The following ARL15 variants were observed in gnomAD, a reference collection of about 807,000 sequenced individuals.
ARL15 encodes the protein ARF like GTPase 15.
ARL15 carries 19 observed loss-of-function variants against 25.2 expected under a neutral mutation model. That is an observed-to-expected ratio of 0.75 (90% CI 0.53 to 1.10). The LOEUF is 1.10. Among genes scored for constraint, ARL15 ranks in the 50% least tolerant of loss-of-function variants. The probability of loss-of-function intolerance (pLI) is 0.00; values close to 1 mark genes in which losing one functional copy is unlikely to be tolerated. For synonymous variants in ARL15, 94 were observed against 86.8 expected, an observed-to-expected ratio of 1.08 and a Z score of -0.46; for missense variants, 220 against 246.0, an observed-to-expected ratio of 0.89 and a Z score of 0.71.
At chr5:54,099,278 T>C (rs1280723496) in intron 4 of ARL15, among the ~76,000 whole-genome samples, 1 of 152,158 alleles carries the variant, frequency 6.6e-6, no homozygotes, top group East Asian at 1.9e-4. Flanking sequence ...ATCTGGAACA[T>C]CTTAAAGAAC....
chr5:53,944,641 T>A (rs927149762), intron 4 of ARL15, among the ~76,000 whole-genome samples: 2 of 152,118 alleles, frequency 1.3e-5, no homozygotes, highest in Non-Finnish European at 2.9e-5. Flanking sequence ...GATCACCTAC[T>A]GAGTAGCTCC....
intron 4 of ARL15, among the ~76,000 whole-genome samples, chr5:54,043,872 G>A (rs1376835823): frequency 1.3e-5 from 2 of 151,606 alleles, no homozygotes; most frequent in African/African-American, 4.9e-5. Context: ...AATTAGCCAG[G>A]TGTGGTGGTA....
chr5:53,908,569 T>C (rs1745348962), intron 4 of ARL15, among the ~76,000 whole-genome samples: 1 of 152,218 alleles, frequency 6.6e-6, no homozygotes, highest in Admixed American at 6.5e-5. Context: ...AAATGCCCCA[T>C]GGATACTGAG....
chr5:54,007,492 A>G (rs1195956840), intron 4 of ARL15, among the ~76,000 whole-genome samples: 5 of 152,156 alleles, frequency 3.3e-5, no homozygotes, highest in Non-Finnish European at 7.4e-5. Flanking sequence ...CTTAAATAAA[A>G]TATTTTTATC....
intron 4 of ARL15, among the ~76,000 whole-genome samples, chr5:54,055,489 T>C (rs1394078526): frequency 3.3e-5 from 5 of 151,014 alleles, no homozygotes; most frequent in Admixed American, 6.6e-5. Flanking sequence ...GCCTCCCAAG[T>C]AGCTGGGATT....
intron 1 of ARL15, among the ~76,000 whole-genome samples, chr5:54,189,542 G>C (rs1755337036): frequency 6.6e-6 from 1 of 152,108 alleles, no homozygotes; most frequent in Non-Finnish European, 1.5e-5. Flanking sequence ...CATTCAGTGG[G>C]AAAGAACAGT....
At chr5:53,963,810 C>T (rs923321561) in intron 4 of ARL15, among the ~76,000 whole-genome samples, 6 of 32,700 alleles carry the variant, frequency 1.8e-4, no homozygotes, top group African/African-American at 4.6e-4. Flanking sequence ...CTCCATCACA[C>T]ACACACACAC....
rs530607637 is a variant in ARL15, at chr5:53,945,709, A to T, written c.463-58996T>A. On this transcript the variant is annotated intron_variant, in intron 4 of 4. Transcript: ENST00000504924. The stretch of plus-strand genomic sequence containing the variant: ...ATAATCTAAAATTCCCGACTGCAGA[A>T]ATATGTAAATATATATTTAAACTTG... Among the ~76,000 whole-genome samples, 14 of 152,372 alleles carry T rather than the reference A, an allele frequency of 9.2e-5. No individual in the cohort carries two copies. In the South Asian group the frequency reaches 2.9e-3, roughly 32 times the overall value.
intron 4 of ARL15, among the ~76,000 whole-genome samples, chr5:54,022,738 C>G (rs1425637265): frequency 1.3e-5 from 2 of 152,138 alleles, no homozygotes; most frequent in Non-Finnish European, 2.9e-5. Flanking sequence ...GTGTGGGGCT[C>G]CCGTCTATAT....
Position 54,310,481 on chromosome 5 carries a change from C to T in ARL15, c.-2G>A. On this transcript the variant is annotated 5_prime_UTR_variant, in exon 1 of 5. Transcript: ENST00000504924. ...CTCAGTTATTCGGAGATCAGACATCCGGCAGCCTAAAGCATCCGGAACGGC... is the reference window on the plus strand; with the variant it reads ...CTCAGTTATTCGGAGATCAGACATCTGGCAGCCTAAAGCATCCGGAACGGC... The T allele has an allele frequency of 1.2e-6, 2 of 1,603,858 alleles. No individual in the cohort carries two copies. The highest frequency in any genetic ancestry group is 1.7e-6 in the Non-Finnish European group (2 of 1,175,596).
intron 4 of ARL15, among the ~76,000 whole-genome samples, chr5:54,053,710 G>A (rs945232441): frequency 2.0e-5 from 3 of 152,064 alleles, no homozygotes; most frequent in South Asian, 2.1e-4. Context: ...ATTGAGAGGC[G>A]CTCTATAAAA....
chr5:54,228,488 CCCCCCA>C, intron 1 of ARL15, among the ~76,000 whole-genome samples: 2 of 149,580 alleles, frequency 1.3e-5, no homozygotes, highest in East Asian at 4.0e-4. Flanking sequence ...GAGGACTGAC[CCCCCCA>C]CCCCCACCCA....
At chr5:53,991,003 A>G (rs1748471491) in intron 4 of ARL15, among the ~76,000 whole-genome samples, 1 of 152,170 alleles carries the variant, frequency 6.6e-6, no homozygotes, top group Non-Finnish European at 1.5e-5. Flanking sequence ...TTTGCTTTTA[A>G]TATAGTCTTT....
chr5:54,000,368 C>T (rs1405325521), intron 4 of ARL15, among the ~76,000 whole-genome samples: 3 of 152,164 alleles, frequency 2.0e-5, no homozygotes, highest in Non-Finnish European at 4.4e-5. Flanking sequence ...TCACGTCTGC[C>T]TGCAATAACG....
chr5:54,279,588 C>A (rs768643424), intron 1 of ARL15, among the ~76,000 whole-genome samples: 1 of 152,168 alleles, frequency 6.6e-6, no homozygotes, highest in African/African-American at 2.4e-5. Flanking sequence ...TCATCACATT[C>A]GGAGTCAGGG....
At chr5:54,244,335 T>C (rs982707699) in intron 1 of ARL15, among the ~76,000 whole-genome samples, 4 of 152,210 alleles carry the variant, frequency 2.6e-5, no homozygotes, top group Non-Finnish European at 4.4e-5. Flanking sequence ...TATGAAGTTT[T>C]TCATGTCAAA....
At chr5:54,093,108 T>C (rs890285694) in intron 4 of ARL15, among the ~76,000 whole-genome samples, 1 of 152,142 alleles carries the variant, frequency 6.6e-6, no homozygotes, top group African/African-American at 2.4e-5. Context: ...AAGCCATGCT[T>C]TGATGTTAAA....
chr5:54,203,365 G>T lies in ARL15; in HGVS notation c.49-31437C>A, dbSNP rs141437998. ...ATTAACATTAACTATATAGCATATCGCCAAGAATATCGACTTTTTTAAAAA... is the reference window on the plus strand; with the variant it reads ...ATTAACATTAACTATATAGCATATCTCCAAGAATATCGACTTTTTTAAAAA... On this transcript the variant is annotated intron_variant, in intron 1 of 4. Coordinates refer to ENST00000504924, the MANE Select transcript of ARL15 (RefSeq NM_019087.3). 9.9e-5 allele frequency among the ~76,000 whole-genome samples: 15 copies of T among 152,022 alleles called. No homozygotes were observed. In the East Asian group the frequency reaches 2.5e-3, roughly 25 times the overall value.
intron 4 of ARL15, among the ~76,000 whole-genome samples, chr5:54,045,106 A>C (rs1750464592): frequency 1.3e-5 from 2 of 152,160 alleles, no homozygotes; most frequent in South Asian, 4.1e-4. Context: ...AAACAGTCGA[A>C]ATGTGGTTCA....
Sources: allele counts gnomAD v4.1 joint callset (sites outside exome capture counted in the v4.1 genomes callset), GRCh38; gene constraint gnomAD v4.1.1; transcripts MANE v1.5; gene names NCBI Gene and HGNC (gene_info 2026-07-23, HGNC 2026-07-21).